Variants in PGM3 observed in about 807,000 individuals in gnomAD.
PGM3 encodes phosphoglucomutase 3, also known as phosphoacetylglucosamine mutase.
In PGM3, 40 loss-of-function variants were observed where a neutral mutation model predicts 66.2. That is an observed-to-expected ratio of 0.60 (90% CI 0.47 to 0.79). PGM3 has a LOEUF of 0.79. PGM3 is among the 30% of genes least tolerant of loss of function. PGM3 has a pLI of 0.00. For missense variants in PGM3, 537 were observed against 643.4 expected (o/e 0.83, Z 1.79); for synonymous variants, 191 against 224.2 (o/e 0.85, Z 1.32).
chr6:83,183,084 C>T lies in PGM3; in HGVS notation c.458-106G>A, dbSNP rs926930551. On this transcript the variant is annotated intron_variant, in intron 4 of 12. Transcript: ENST00000513973. ...TTCAGGGTGACAAATCCTTTTGTGT[C>T]ATCTCAGACATCTTAGAAAACATAA... 1.8e-5 allele frequency: 17 copies of T among 945,926 alleles called. No individual in the cohort carries two copies. The Admixed American group carries it at 3.6e-4, about 20-fold the overall frequency. The allele number at this position is 945,926 out of a possible 1,614,324, so 58.6% of individuals were successfully genotyped here.
Position 83,182,985 on chromosome 6 carries a change from T to C in PGM3, c.458-7A>G, listed in dbSNP as rs771921647. ...GTTGTTAACAAGCCATAATCTGTCA[T>C]AGAAATACAAAAAGCAATTCACCGC... On this transcript the variant is annotated splice_polypyrimidine_tract_variant and splice_region_variant and intron_variant, in intron 4 of 12. Coordinates refer to ENST00000513973, the MANE Select transcript of PGM3 (RefSeq NM_015599.3). 24 of 1,609,384 alleles carry C rather than the reference T, an allele frequency of 1.5e-5. No homozygotes were observed. The Admixed American group carries it at 2.7e-4, about 18-fold the overall frequency.
chr6:83,178,747 T>C lies in PGM3; in HGVS notation c.955A>G (p.Ser319Gly), dbSNP rs947825939. The C allele has an allele frequency of 1.0e-5, 16 of 1,570,068 alleles. No individual in the cohort carries two copies. Among genetic ancestry groups the C allele is most frequent in the African/African-American group, 2.7e-5 (2 of 74,128 alleles). Reference sequence around the variant, plus strand: ...GTTTGTACAACACCAATATTCAAACTTTCTCCAATCTAGACAAAAACAATG... The same window carrying C: ...GTTTGTACAACACCAATATTCAAACCTTCTCCAATCTAGACAAAAACAATG... The part of the protein sequence containing the change: ...LKELLVEIGE[S>G]LNIGVVQTAY... The change falls in exon 8 of 13, where the codon AGT (serine) becomes GGT (glycine). Residue 319 changes from serine to glycine, a missense_variant. Ser to Gly is a moderately conservative substitution (Grantham distance 56). Coordinates refer to ENST00000513973, the MANE Select transcript of PGM3 (RefSeq NM_015599.3).
chr6:83,156,383 C>T (rs182041258), downstream of PGM3, among the ~76,000 whole-genome samples: 29 of 152,188 alleles, frequency 1.9e-4, 1 homozygote, highest in Non-Finnish European at 3.8e-4. Flanking sequence ...GATTTTGCTG[C>T]GGGCAGTCAT....
intron 5 of PGM3, among the ~76,000 whole-genome samples, chr6:83,182,226 G>A (rs955668359): frequency 6.6e-6 from 1 of 152,122 alleles, no homozygotes; most frequent in Non-Finnish European, 1.5e-5. Flanking sequence ...AATATTACAA[G>A]GGAGCCATTC....
chr6:83,174,993 C>T (rs1437354792), intron 9 of PGM3, among the ~76,000 whole-genome samples: 1 of 152,166 alleles, frequency 6.6e-6, no homozygotes, highest in African/African-American at 2.4e-5. Flanking sequence ...TATAATTCAT[C>T]ATGCTCCTCA....
At chr6:83,157,125 A>C, downstream of PGM3, 1 of 1,562,816 alleles carries the variant, frequency 6.4e-7, no homozygotes, top group Non-Finnish European at 8.7e-7. Flanking sequence ...GACAATATAG[A>C]AAGTTTTATG....
downstream of PGM3, among the ~76,000 whole-genome samples, chr6:83,163,643 A>C (rs961186637): frequency 6.6e-6 from 1 of 152,156 alleles, no homozygotes; most frequent in Non-Finnish European, 1.5e-5. Context: ...TATATAACCG[A>C]ATCTAAAGTT....
intron 1 of PGM3, 66 bp downstream of exon 1, chr6:83,193,113 C>T (rs1319426112): frequency 2.0e-5 from 3 of 152,294 alleles, no homozygotes; most frequent in African/African-American, 7.2e-5. Flanking sequence ...ACCTGTCCCG[C>T]TCCCACCGAG....
At chr6:83,179,718 T>C in intron 7 of PGM3, 92 bp downstream of exon 7, 1 of 974,144 alleles carries the variant, frequency 1.0e-6, no homozygotes, top group Non-Finnish European at 1.5e-6. Flanking sequence ...GAATTTGTCA[T>C]AAATTGTGCC....
chr6:83,158,243 T>C (rs1783303075), downstream of PGM3, among the ~76,000 whole-genome samples: 2 of 152,102 alleles, frequency 1.3e-5, no homozygotes, highest in Non-Finnish European at 2.9e-5. Context: ...CCTTGTGATC[T>C]GCCCACCTCG....
At chr6:83,151,445 A>T in the PGM3 span, 1 of 496,170 alleles carries the variant, frequency 2.0e-6, no homozygotes, top group African/African-American at 2.0e-5. Flanking sequence ...TATGAATGTC[A>T]GTTGAGTCAT....
At chr6:83,170,200 A>G in intron 12 of PGM3, 105 bp downstream of exon 12, 1 of 1,040,760 alleles carries the variant, frequency 9.6e-7, no homozygotes, top group Non-Finnish European at 1.4e-6. Flanking sequence ...GGCTCAACAA[A>G]ATAAAGCCTT....
the PGM3 span, among the ~76,000 whole-genome samples, chr6:83,150,932 A>G: frequency 4.6e-5 from 7 of 152,192 alleles, no homozygotes; most frequent in Non-Finnish European, 7.3e-5. Context: ...AAGAAATAAA[A>G]CACCATGTGT....
chr6:83,164,306 G>A (rs1451922833), downstream of PGM3, among the ~76,000 whole-genome samples: 1 of 151,752 alleles, frequency 6.6e-6, no homozygotes, highest in Admixed American at 6.6e-5. Flanking sequence ...AAAGGACAGA[G>A]ATGAGGATGT....
At chr6:83,175,182 C>T (rs1787666018) in intron 9 of PGM3, among the ~76,000 whole-genome samples, 2 of 152,196 alleles carry the variant, frequency 1.3e-5, no homozygotes, top group Admixed American at 1.3e-4. Flanking sequence ...CACACAGATT[C>T]ATTTAAGCTA....
At chr6:83,160,993 A>G (rs1784115469), downstream of PGM3, among the ~76,000 whole-genome samples, 1 of 151,884 alleles carries the variant, frequency 6.6e-6, no homozygotes. Flanking sequence ...ATATATATCT[A>G]CTTTTTGATG....
In PGM3 at chr6:83,167,353, C is replaced by T. The variant is rs41271573; in HGVS notation, c.*1881G>A. On this transcript the variant is annotated 3_prime_UTR_variant, in exon 13 of 13. Coordinates refer to ENST00000513973, the MANE Select transcript of PGM3 (RefSeq NM_015599.3). The stretch of plus-strand genomic sequence containing the variant: ...TCCTTTCTCTGTGATGCAGTACTGA[C>T]AGTAATTATTCACTTTGGACACTGC... 1,816 of 985,316 alleles carry T rather than the reference C, an allele frequency of 1.8e-3. 26 individuals are homozygous for T. The African/African-American group carries it at 0.027, about 15-fold the overall frequency. The allele number at this position is 985,316 out of a possible 1,614,324, so 61.0% of individuals were successfully genotyped here.
At chr6:83,151,676 GCTGTTGCCAAAA>G in the PGM3 span, 1 of 1,588,966 alleles carries the variant, frequency 6.3e-7, no homozygotes, top group South Asian at 1.2e-5. Context: ...CAGTCTAAGA[GCTGTTGCCAAAA>G]CTGTTTCTCA....
In PGM3 at chr6:83,166,776, C is replaced by T. The variant is rs1785791496; in HGVS notation, c.*2458G>A. ...AAGCTGGATTTTGCATCTGCTTGAC[C>T]CACTAGGAAACTAGTGATATTAAAT... On this transcript the variant is annotated 3_prime_UTR_variant, in exon 13 of 13. Coordinates refer to ENST00000513973, the MANE Select transcript of PGM3 (RefSeq NM_015599.3). 2.8e-6 allele frequency: 3 copies of T among 1,075,730 alleles called. No homozygotes were observed. Among genetic ancestry groups the T allele is most frequent in the Non-Finnish European group, 1.1e-6 (1 of 889,424 alleles). 66.6% of individuals were successfully genotyped at this position (1,075,730 alleles called of 1,614,324 possible). A position where few individuals can be genotyped will look rare whatever the true frequency, so the allele number is the denominator to read the frequency against.
Sources: allele counts gnomAD v4.1 joint callset (sites outside exome capture counted in the v4.1 genomes callset), GRCh38; gene constraint gnomAD v4.1.1; transcripts MANE v1.5; gene names NCBI Gene and HGNC (gene_info 2026-07-23, HGNC 2026-07-21).